BTBD7: variants seen among roughly 807,000 people sequenced by gnomAD.
BTBD7 encodes the protein BTB/POZ domain-containing protein 7.
BTBD7 carries 38 observed loss-of-function variants against 99.9 expected under a neutral mutation model. The observed-to-expected ratio is 0.38, with a 90% CI of 0.29 to 0.50. The LOEUF (loss-of-function observed/expected upper bound fraction) is 0.50, where lower values mean the gene tolerates loss of function less well. BTBD7 is among the 20% of genes least tolerant of loss of function. The pLI is 0.93. For missense variants in BTBD7, 1,170 were observed against 1,394.6 expected (o/e 0.84, Z 2.57); for synonymous variants, 520 against 511.4 (o/e 1.02, Z -0.23).
At chr14:93,323,871 A>G (rs2053297302) in intron 1 of BTBD7, among the ~76,000 whole-genome samples, 1 of 152,202 alleles carries the variant, frequency 6.6e-6, no homozygotes, top group Non-Finnish European at 1.5e-5. Flanking sequence ...GCACTCTTTC[A>G]TGTTACTATT....
At chr14:93,328,501 A>T (rs1595347257) in intron 1 of BTBD7, among the ~76,000 whole-genome samples, 1 of 151,982 alleles carries the variant, frequency 6.6e-6, no homozygotes, top group East Asian at 1.9e-4. Context: ...AAGACCATTT[A>T]ATGGGAAATG....
intron 1 of BTBD7, among the ~76,000 whole-genome samples, 162 bp downstream of exon 1, chr14:93,332,658 A>G (rs1379938877): frequency 6.7e-6 from 1 of 148,972 alleles, no homozygotes; most frequent in Non-Finnish European, 1.5e-5. Context: ...CAGACGGACG[A>G]CTGGCCCCTC....
chr14:93,269,392 G>A (rs541575216), intron 3 of BTBD7, among the ~76,000 whole-genome samples: 5 of 152,244 alleles, frequency 3.3e-5, no homozygotes, highest in East Asian at 1.9e-4. Context: ...GGCTTTACAC[G>A]GTGCCACATC....
chr14:93,279,605 T>C (rs144739246), intron 3 of BTBD7, among the ~76,000 whole-genome samples: 2,548 of 152,250 alleles, frequency 0.017, 75 homozygotes, highest in African/African-American at 0.059. Flanking sequence ...TGGAGTGCAG[T>C]GGCGTGATCC....
chr14:93,300,676 C>A (rs1309154478), intron 1 of BTBD7, among the ~76,000 whole-genome samples: 1 of 147,112 alleles, frequency 6.8e-6, no homozygotes, highest in Non-Finnish European at 1.5e-5. Context: ...CCTGGGACTA[C>A]AGGCGTGTGC....
intron 3 of BTBD7, among the ~76,000 whole-genome samples, chr14:93,281,922 T>C (rs2052725259): frequency 1.3e-5 from 2 of 152,174 alleles, no homozygotes; most frequent in Admixed American, 6.5e-5. Context: ...AGATGGTTTA[T>C]TTATGAATAT....
At chr14:93,300,754 GTGTGTGTGTGTGTGTGTGTATATATA>G (rs1566857104) in intron 1 of BTBD7, among the ~76,000 whole-genome samples, 10 of 56,312 alleles carry the variant, frequency 1.8e-4, no homozygotes, top group African/African-American at 2.2e-4. Flanking sequence ...GTGTGTGTGT[GTGTGTGTGTGTGTGTGTGTATATATA>G]TATATATTTT....
intron 1 of BTBD7, among the ~76,000 whole-genome samples, chr14:93,299,958 G>A (rs1036269695): frequency 3.3e-5 from 5 of 152,314 alleles, no homozygotes; most frequent in Non-Finnish European, 7.3e-5. Flanking sequence ...CTGCCCCCAC[G>A]GGGCATGAAG....
chr14:93,325,849 C>T (rs1489993190), intron 1 of BTBD7, among the ~76,000 whole-genome samples: 1 of 152,142 alleles, frequency 6.6e-6, no homozygotes, highest in Non-Finnish European at 1.5e-5. Flanking sequence ...TGTTTCCTAG[C>T]TATTCCAAGT....
At chr14:93,296,214 GTTT>G in intron 1 of BTBD7, 57 bp from the exon 2 acceptor site, 1 of 1,215,724 alleles carries the variant, frequency 8.2e-7, no homozygotes, top group Non-Finnish European at 1.0e-6. Flanking sequence ...TCAGATCACA[GTTT>G]TTTTTAAAAA....
intron 3 of BTBD7, among the ~76,000 whole-genome samples, chr14:93,273,247 G>T (rs2052619241): frequency 6.6e-6 from 1 of 152,136 alleles, no homozygotes; most frequent in Non-Finnish European, 1.5e-5. Context: ...AATCATGGTG[G>T]CACTTGAATG....
intron 8 of BTBD7, among the ~76,000 whole-genome samples, chr14:93,250,146 C>T (rs908997425): frequency 1.3e-5 from 2 of 152,276 alleles, no homozygotes; most frequent in East Asian, 3.9e-4. Context: ...AACAAGCTAT[C>T]CATCCTTTCA....
chr14:93,313,010 G>A (rs1345799582), intron 1 of BTBD7, among the ~76,000 whole-genome samples: 4 of 152,072 alleles, frequency 2.6e-5, no homozygotes, highest in Non-Finnish European at 5.9e-5. Context: ...GGGAGATCTG[G>A]CACAGCACCC....
intron 4 of BTBD7, 132 bp from the exon 5 acceptor site, chr14:93,261,809 AG>A (rs776149729): frequency 3.0e-6 from 2 of 657,496 alleles, no homozygotes. Context: ...GGCTGTTTGA[AG>A]TTTTAGTGTT....
chr14:93,305,902 G>A (rs143442666), intron 1 of BTBD7, among the ~76,000 whole-genome samples: 5 of 152,152 alleles, frequency 3.3e-5, no homozygotes, highest in African/African-American at 9.7e-5. Context: ...AAGAACATGC[G>A]TGTCAGCTCA....
intron 1 of BTBD7, among the ~76,000 whole-genome samples, chr14:93,305,924 C>T (rs1201713604): frequency 6.6e-6 from 1 of 152,168 alleles, no homozygotes; most frequent in African/African-American, 2.4e-5. Flanking sequence ...GTCTCTCTTC[C>T]TCTTATAAAG....
At chr14:93,252,113 C>T (rs1327763214) in intron 7 of BTBD7, among the ~76,000 whole-genome samples, 4 of 151,988 alleles carry the variant, frequency 2.6e-5, no homozygotes, top group East Asian at 1.9e-4. Context: ...AGTTCAAGAC[C>T]AGTCTGGCCA....
At chr14:93,259,382 A>G (rs896052162) in intron 5 of BTBD7, among the ~76,000 whole-genome samples, 3 of 152,200 alleles carry the variant, frequency 2.0e-5, no homozygotes, top group Non-Finnish European at 2.9e-5. Context: ...GCCATCTTGA[A>G]CAGTGAGATC....
intron 1 of BTBD7, among the ~76,000 whole-genome samples, chr14:93,312,130 A>C (rs1158658955): frequency 6.6e-6 from 1 of 151,958 alleles, no homozygotes; most frequent in African/African-American, 2.4e-5. Context: ...GCTGAAATTA[A>C]GTTAGTAACT....
Sources: allele counts gnomAD v4.1 joint callset (sites outside exome capture counted in the v4.1 genomes callset), GRCh38; gene constraint gnomAD v4.1.1; transcripts MANE v1.5; gene names NCBI Gene and HGNC (gene_info 2026-07-23, HGNC 2026-07-21).